PCDH9: variants seen among roughly 807,000 people sequenced by gnomAD.
The protein encoded by PCDH9 is protocadherin-9.
A neutral mutation model predicts 70.6 loss-of-function variants in PCDH9; 24 were observed. The observed-to-expected ratio is 0.34, with a 90% confidence interval of 0.25 to 0.48. The LOEUF is 0.48. Ranked by LOEUF, PCDH9 falls within the 20% of genes least tolerant of loss-of-function variation. PCDH9 has a pLI of 0.99. For synonymous variants in PCDH9, 562 were observed against 558.5 expected (o/e 1.01, Z -0.09); for missense variants, 1,281 against 1,503.6 (o/e 0.85, Z 2.45).
chr13:66,331,139 G>A lies in PCDH9; in HGVS notation c.3341-26111C>T, dbSNP rs187303308. 1.5e-3 allele frequency among the ~76,000 whole-genome samples: 225 copies of A among 152,228 alleles called. 4 individuals carry two copies. The highest frequency in any genetic ancestry group is 6.9e-3 in the East Asian group (36 of 5,188). ...TCTGTGTGTATGTGCGTGTGTTTGC[G>A]TGTGTGTACATCCATGTGTGTTTGC... On this transcript the variant is annotated intron_variant, in intron 4 of 4. Coordinates refer to ENST00000377865, the MANE Select transcript of PCDH9 (RefSeq NM_203487.3).
intron 4 of PCDH9, among the ~76,000 whole-genome samples, chr13:66,355,444 CT>C (rs1956366452): frequency 3.3e-5 from 5 of 151,962 alleles, no homozygotes; most frequent in African/African-American, 1.2e-4. Flanking sequence ...AGTGTCATGT[CT>C]TTTGTTTTTG....
intron 4 of PCDH9, among the ~76,000 whole-genome samples, chr13:66,612,916 G>C (rs2077310329): frequency 6.6e-6 from 1 of 151,966 alleles, no homozygotes. Context: ...TTGAGACAAA[G>C]TACCCCATCT....
In PCDH9 at chr13:66,820,718, G is replaced by A. The variant is rs546993842; in HGVS notation, c.3138+82786C>T. On this transcript the variant is annotated intron_variant, in intron 3 of 4. Coordinates refer to ENST00000377865, the MANE Select transcript of PCDH9 (RefSeq NM_203487.3). Reference sequence around the variant, plus strand: ...TTACAGGGACATGGATGGAGCTGGAGGCCATTATCTTTAGCAAACTAACAG... The same window carrying A: ...TTACAGGGACATGGATGGAGCTGGAAGCCATTATCTTTAGCAAACTAACAG... Among the ~76,000 whole-genome samples, 18 of 152,252 alleles carry A rather than the reference G, an allele frequency of 1.2e-4. No homozygotes were observed. The South Asian group carries it at 2.5e-3, about 21-fold the overall frequency.
chr13:66,425,832 T>A (rs897588038), intron 4 of PCDH9, among the ~76,000 whole-genome samples: 1 of 151,690 alleles, frequency 6.6e-6, no homozygotes, highest in African/African-American at 2.4e-5. Flanking sequence ...GTTTACCAGA[T>A]TGGGGACAAA....
At chr13:67,172,708 T>C (rs554832973) in intron 2 of PCDH9, among the ~76,000 whole-genome samples, 434 of 151,860 alleles carry the variant, frequency 2.9e-3, no homozygotes, top group African/African-American at 0.01. Context: ...GGAAACCCCA[T>C]CTCTACTAAA....
chr13:67,029,839 G>C (rs189551567), intron 2 of PCDH9, among the ~76,000 whole-genome samples: 7 of 152,018 alleles, frequency 4.6e-5, no homozygotes, highest in Admixed American at 4.6e-4. Flanking sequence ...TCTTTTCCAG[G>C]TAAATTTTTC....
intron 4 of PCDH9, among the ~76,000 whole-genome samples, chr13:66,379,090 G>A (rs1956796726): frequency 6.6e-6 from 1 of 152,154 alleles, no homozygotes. Context: ...TGACTACTTC[G>A]CTTAACACTA....
chr13:66,427,673 T>A (rs905784747), intron 4 of PCDH9, among the ~76,000 whole-genome samples: 3 of 151,584 alleles, frequency 2.0e-5, no homozygotes, highest in African/African-American at 7.3e-5. Flanking sequence ...TCTTCCCACC[T>A]TTTTTTTCTC....
intron 3 of PCDH9, among the ~76,000 whole-genome samples, chr13:66,737,985 G>A (rs1593980293): frequency 6.6e-6 from 1 of 152,258 alleles, no homozygotes; most frequent in Middle Eastern, 3.4e-3. Flanking sequence ...GAACTGGGTG[G>A]AGCCCACCAC....
intron 2 of PCDH9, among the ~76,000 whole-genome samples, chr13:67,048,215 C>T (rs376805209): frequency 6.6e-6 from 1 of 152,288 alleles, no homozygotes; most frequent in African/African-American, 2.4e-5. Context: ...GCCCCTCATT[C>T]ATATCCTAGT....
intron 2 of PCDH9, among the ~76,000 whole-genome samples, chr13:67,031,854 A>G (rs1027518140): frequency 6.6e-6 from 1 of 152,168 alleles, no homozygotes; most frequent in Non-Finnish European, 1.5e-5. Flanking sequence ...TTCCATTGTC[A>G]AGAGAAGCTG....
chr13:66,557,361 C>G (rs1961781102), intron 4 of PCDH9, among the ~76,000 whole-genome samples: 1 of 152,028 alleles, frequency 6.6e-6, no homozygotes, highest in Non-Finnish European at 1.5e-5. Flanking sequence ...TACAAATTAT[C>G]AATAACAAAC....
At chr13:66,781,686 G>T (rs1246700635) in intron 3 of PCDH9, among the ~76,000 whole-genome samples, 1 of 151,996 alleles carries the variant, frequency 6.6e-6, no homozygotes, top group East Asian at 1.9e-4. Context: ...TACTAAACTA[G>T]AAAAAACATA....
At chr13:66,776,533 C>T (rs866528766) in intron 3 of PCDH9, among the ~76,000 whole-genome samples, 16 of 151,760 alleles carry the variant, frequency 1.1e-4, no homozygotes, top group African/African-American at 3.6e-4. Context: ...TTCACAATTG[C>T]TTCAAAGAGA....
intron 3 of PCDH9, among the ~76,000 whole-genome samples, chr13:66,683,652 G>A (rs2078359664): frequency 6.6e-6 from 1 of 152,084 alleles, no homozygotes; most frequent in South Asian, 2.1e-4. Flanking sequence ...GAGGAAACAG[G>A]CTAAGGAAAA....
intron 2 of PCDH9, among the ~76,000 whole-genome samples, chr13:67,041,685 G>A (rs1566382761): frequency 6.6e-6 from 1 of 151,780 alleles, no homozygotes; most frequent in African/African-American, 2.4e-5. Context: ...CAAAAAATTA[G>A]ACAGGCATGG....
chr13:66,549,331 T>C (rs1006377022), intron 4 of PCDH9, among the ~76,000 whole-genome samples: 2 of 152,124 alleles, frequency 1.3e-5, no homozygotes, highest in Admixed American at 1.3e-4. Context: ...TGCTTTATGA[T>C]GGTAGAATTG....
chr13:66,770,490 C>A (rs1294023610), intron 3 of PCDH9, among the ~76,000 whole-genome samples: 1 of 152,164 alleles, frequency 6.6e-6, no homozygotes, highest in African/African-American at 2.4e-5. Context: ...TGGATATTTC[C>A]TTTTCTCCAC....
chr13:66,462,445 T>C (rs1314841098), intron 4 of PCDH9, among the ~76,000 whole-genome samples: 4 of 151,850 alleles, frequency 2.6e-5, no homozygotes, highest in African/African-American at 9.7e-5. Flanking sequence ...ATGAATTCAG[T>C]AGAAAGATCA....
Sources: allele counts gnomAD v4.1 joint callset (sites outside exome capture counted in the v4.1 genomes callset), GRCh38; gene constraint gnomAD v4.1.1; transcripts MANE v1.5; gene names NCBI Gene and HGNC (gene_info 2026-07-23, HGNC 2026-07-21).